The following RBMS3 variants were observed in gnomAD, a reference collection of about 807,000 sequenced individuals.
RBMS3 encodes RNA binding motif single stranded interacting protein 3.
Under a neutral mutation model 66.8 loss-of-function variants are expected in RBMS3, and 27 were observed. The observed-to-expected ratio is 0.40, with a 90% CI of 0.30 to 0.56. The LOEUF is 0.56. Ranked by LOEUF, RBMS3 falls within the 20% of genes least tolerant of loss-of-function variation. RBMS3 has a pLI of 0.40. For missense variants in RBMS3, 513 were observed against 549.5 expected (o/e 0.93, Z 0.66); for synonymous variants, 188 against 183.0 (o/e 1.03, Z -0.22).
intron 3 of RBMS3, among the ~76,000 whole-genome samples, chr3:29,580,763 G>T (rs1012332560): frequency 2.6e-5 from 4 of 151,652 alleles, no homozygotes; most frequent in African/African-American, 9.7e-5. Context: ...GCAAATTCTT[G>T]TTCCAAAAGC....
At chr3:29,673,570 A>G (rs755007654) in intron 4 of RBMS3, among the ~76,000 whole-genome samples, 2 of 152,148 alleles carry the variant, frequency 1.3e-5, no homozygotes, top group African/African-American at 2.4e-5. Context: ...AATAAAAGTG[A>G]TATCACCACC....
At chr3:29,976,207 T>C (rs547480661) in intron 12 of RBMS3, among the ~76,000 whole-genome samples, 1 of 152,186 alleles carries the variant, frequency 6.6e-6, no homozygotes, top group Non-Finnish European at 1.5e-5. Flanking sequence ...TCTTTTTTAA[T>C]AGTTTAATGC....
intron 1 of RBMS3, among the ~76,000 whole-genome samples, chr3:29,388,277 G>C (rs536528938): frequency 3.7e-4 from 57 of 152,260 alleles, no homozygotes; most frequent in Non-Finnish European, 4.6e-4. Flanking sequence ...CTCTGTAATA[G>C]AATGTCAGCT....
chr3:29,284,464 G>A (rs1047396588), intron 1 of RBMS3, among the ~76,000 whole-genome samples: 5 of 151,968 alleles, frequency 3.3e-5, no homozygotes, highest in African/African-American at 1.2e-4. Flanking sequence ...TTCTACTTGT[G>A]TAATGATAAA....
At chr3:29,476,191 T>G (rs1424389043) in intron 2 of RBMS3, among the ~76,000 whole-genome samples, 1 of 152,232 alleles carries the variant, frequency 6.6e-6, no homozygotes, top group Non-Finnish European at 1.5e-5. Flanking sequence ...ACTCTGTTTC[T>G]TGATTATGCT....
chr3:29,535,779 G>A (rs1008380381), intron 3 of RBMS3, among the ~76,000 whole-genome samples: 5 of 121,416 alleles, frequency 4.1e-5, no homozygotes, highest in African/African-American at 6.4e-5. Context: ...TGATCAAGAG[G>A]TATTCAGGAT....
intron 2 of RBMS3, among the ~76,000 whole-genome samples, chr3:29,470,912 G>A (rs983681618): frequency 1.3e-5 from 2 of 152,088 alleles, no homozygotes; most frequent in African/African-American, 2.4e-5. Flanking sequence ...ACCACCCAGT[G>A]AATGGCATTA....
chr3:29,430,954 C>T (rs1047286941), intron 1 of RBMS3, among the ~76,000 whole-genome samples: 6 of 152,092 alleles, frequency 3.9e-5, no homozygotes, highest in Non-Finnish European at 2.9e-5. Context: ...TGAGATACAC[C>T]AGGAAGCCAC....
intron 5 of RBMS3, among the ~76,000 whole-genome samples, chr3:29,755,987 G>C (rs151114826): frequency 6.6e-6 from 1 of 152,214 alleles, no homozygotes; most frequent in East Asian, 1.9e-4. Flanking sequence ...AATAAAGAAT[G>C]CAAGTTCAGT....
At chr3:29,737,557 A>G (rs2054436822) in intron 4 of RBMS3, among the ~76,000 whole-genome samples, 1 of 152,196 alleles carries the variant, frequency 6.6e-6, no homozygotes, top group South Asian at 2.1e-4. Flanking sequence ...CAGTAAGTGT[A>G]GTAATATTTG....
chr3:29,962,710 T>C (rs1696566183), intron 12 of RBMS3, among the ~76,000 whole-genome samples: 1 of 152,026 alleles, frequency 6.6e-6, no homozygotes, highest in South Asian at 2.1e-4. Context: ...ATATTAAGAC[T>C]CTTTTCATAA....
chr3:29,825,745 A>G (rs1244066787), intron 6 of RBMS3, among the ~76,000 whole-genome samples: 1 of 152,162 alleles, frequency 6.6e-6, no homozygotes, highest in African/African-American at 2.4e-5. Context: ...AGACTAATAC[A>G]CTGGTTAAGA....
intron 6 of RBMS3, among the ~76,000 whole-genome samples, chr3:29,854,614 A>G (rs954256105): frequency 1.3e-5 from 2 of 152,214 alleles, no homozygotes; most frequent in African/African-American, 4.8e-5. Flanking sequence ...CTTGATTGTT[A>G]GCTAACTTTC....
chr3:29,685,251 T>C (rs532348510), intron 4 of RBMS3, among the ~76,000 whole-genome samples: 127 of 151,952 alleles, frequency 8.4e-4, no homozygotes, highest in African/African-American at 2.6e-3. Context: ...TTAGTAGAGA[T>C]GGGGTTTCAC....
intron 8 of RBMS3, among the ~76,000 whole-genome samples, chr3:29,896,186 T>G (rs1191533476): frequency 6.6e-6 from 1 of 151,460 alleles, no homozygotes; most frequent in African/African-American, 2.4e-5. Context: ...GAAAATAAGC[T>G]TAAAGAATTT....
intron 3 of RBMS3, among the ~76,000 whole-genome samples, chr3:29,565,376 A>T (rs1038388327): frequency 2.0e-5 from 3 of 152,206 alleles, no homozygotes; most frequent in Non-Finnish European, 2.9e-5. Flanking sequence ...TTCCAAGGTC[A>T]TGTTTTTAAG....
chr3:29,338,512 A>G (rs538804501), intron 1 of RBMS3, among the ~76,000 whole-genome samples: 11 of 152,228 alleles, frequency 7.2e-5, no homozygotes, highest in South Asian at 4.1e-4. Context: ...AAGAAATGCA[A>G]ATTCTCAGAT....
rs2040576546 is a variant in RBMS3, at chr3:29,418,650, T to A, written c.76-16093T>A. On this transcript the variant is annotated intron_variant, in intron 1 of 14. Coordinates refer to ENST00000383767, the MANE Select transcript of RBMS3 (RefSeq NM_001003793.3). ...AGCTCTGTCTCTGTGATGTAGTGTA[T>A]ACTTTGAGAATCTTTGCTTTCCTCT... Among the ~76,000 whole-genome samples, 5 of 152,264 alleles carry A rather than the reference T, an allele frequency of 3.3e-5. No homozygotes were observed. The South Asian group carries it at 8.3e-4, about 25-fold the overall frequency.
chr3:29,384,364 A>G (rs1177308489), intron 1 of RBMS3, among the ~76,000 whole-genome samples: 1 of 151,762 alleles, frequency 6.6e-6, no homozygotes, highest in African/African-American at 2.4e-5. Flanking sequence ...GTGGAAGAGA[A>G]TCTGAACATG....
Sources: allele counts gnomAD v4.1 joint callset (sites outside exome capture counted in the v4.1 genomes callset), GRCh38; gene constraint gnomAD v4.1.1; transcripts MANE v1.5; gene names NCBI Gene and HGNC (gene_info 2026-07-23, HGNC 2026-07-21).